The following ANO4 variants were observed in gnomAD, a reference collection of about 807,000 sequenced individuals.
The protein encoded by ANO4 is anoctamin 4.
ANO4 carries 69 observed loss-of-function variants against 141.9 expected under a neutral mutation model. That is an observed-to-expected ratio of 0.49 (90% CI 0.40 to 0.59). ANO4 has a LOEUF of 0.59. Ranked by LOEUF, ANO4 falls within the 20% of genes least tolerant of loss-of-function variation. The pLI is 0.00. For synonymous variants in ANO4, 350 were observed against 394.3 expected (o/e 0.89, Z 1.33); for missense variants, 894 against 1,162.2 (o/e 0.77, Z 3.36).
At chr12:100,897,723 A>G (rs1198204682) in intron 1 of ANO4, among the ~76,000 whole-genome samples, 1 of 152,210 alleles carries the variant, frequency 6.6e-6, no homozygotes, top group Non-Finnish European at 1.5e-5. Context: ...AGGAACTGAA[A>G]TGTGTCAAGG....
chr12:101,075,588 A>T (rs992032174), intron 14 of ANO4, among the ~76,000 whole-genome samples: 1 of 151,554 alleles, frequency 6.6e-6, no homozygotes, highest in Admixed American at 6.6e-5. Flanking sequence ...TCATAAAAGA[A>T]ATACACTTTT....
rs754404619 is a variant in ANO4 at position 100,971,372 on chromosome 12, T to C, written c.523T>C (p.Tyr175His). The C allele has an allele frequency of 1.9e-6, 3 of 1,609,886 alleles. No homozygotes were observed. Among genetic ancestry groups the C allele is most frequent in the Non-Finnish European group, 2.5e-6 (3 of 1,177,018 alleles). Residue 175 changes from tyrosine (Y) to histidine (H), a missense_variant, in exon 6 of 28, where the codon TAT becomes CAT. By Grantham distance (83) the Tyr-to-His change is moderately conservative. Around this residue, in one of 2 missense-constraint regions of ANO4, gnomAD observed 257 missense variants for 253.0 expected, o/e 1.02. Coordinates refer to ENST00000392977, the MANE Select transcript of ANO4 (RefSeq NM_001286615.2). ...LHAPWEVLGR[Y>H]AEQMNVRMPF... Reference sequence around the variant, plus strand: ...TGCCCCATGGGAAGTCCTTGGAAGATATGCAGAACAAATGAATGTAAGAAT... The same window carrying C: ...TGCCCCATGGGAAGTCCTTGGAAGACATGCAGAACAAATGAATGTAAGAAT...
chr12:100,964,190 C>T (rs558040497), intron 5 of ANO4, among the ~76,000 whole-genome samples: 1 of 152,274 alleles, frequency 6.6e-6, no homozygotes, highest in East Asian at 1.9e-4. Flanking sequence ...TAGTGTGAGC[C>T]TCTCAGCTTT....
chr12:101,061,615 C>T (rs927614380), intron 14 of ANO4, among the ~76,000 whole-genome samples: 3 of 151,774 alleles, frequency 2.0e-5, no homozygotes, highest in African/African-American at 7.3e-5. Context: ...TGTCTTCACA[C>T]TTTATTTCAT....
intron 25 of ANO4, among the ~76,000 whole-genome samples, chr12:101,117,765 C>A (rs2050913193): frequency 6.6e-6 from 1 of 152,126 alleles, no homozygotes; most frequent in Non-Finnish European, 1.5e-5. Flanking sequence ...TCCCTGTAAT[C>A]AAAGCCACAA....
At chr12:100,812,080 A>G (rs753191893) in intron 1 of ANO4, among the ~76,000 whole-genome samples, 125 of 152,264 alleles carry the variant, frequency 8.2e-4, no homozygotes, top group Admixed American at 4.2e-3. Flanking sequence ...CTCCCCCCAC[A>G]GACTGTAGTA....
At chr12:100,904,068 A>G (rs2040725024) in intron 2 of ANO4, among the ~76,000 whole-genome samples, 1 of 152,156 alleles carries the variant, frequency 6.6e-6, no homozygotes, top group Non-Finnish European at 1.5e-5. Context: ...CGTCCACTGA[A>G]AGGTCTTTAA....
intron 8 of ANO4, among the ~76,000 whole-genome samples, chr12:101,015,436 G>T (rs1216704611): frequency 2.0e-5 from 3 of 152,018 alleles, no homozygotes; most frequent in Non-Finnish European, 4.4e-5. Flanking sequence ...TACACCAAGG[G>T]CCCTTAATCT....
At chr12:100,939,530 A>G (rs1417613405) in intron 4 of ANO4, 79 bp downstream of exon 4, 3 of 1,492,962 alleles carry the variant, frequency 2.0e-6, no homozygotes, top group Non-Finnish European at 9.1e-7. Context: ...TGGACTGTTT[A>G]AAGTCATAAT....
chr12:100,789,581 G>C (rs901267692), intron 3 of ANO4, among the ~76,000 whole-genome samples: 3 of 152,202 alleles, frequency 2.0e-5, no homozygotes, highest in African/African-American at 7.2e-5. Context: ...AGCGGGACAA[G>C]TTTTATGCTT....
Position 100,806,523 on chromosome 12 carries a change from C to CTTTTTTTTTTTTTTTTT in ANO4, c.-141+11496_-141+11497insTTTTTTTTTTTTTTTTT, listed in dbSNP as rs1593379234. 3.1e-3 allele frequency among the ~76,000 whole-genome samples: 138 copies of CTTTTTTTTTTTTTTTTT among 44,968 alleles called. 40 individuals are homozygous for CTTTTTTTTTTTTTTTTT. The highest frequency in any genetic ancestry group is 0.022 in the Middle Eastern group (2 of 90). 29.5% of individuals were successfully genotyped at this position (44,968 alleles called of 152,430 possible). A position where few individuals can be genotyped will look rare whatever the true frequency, so the allele number is the denominator to read the frequency against. ...TTTTTAGGAGGTTTTTTTTTTGTTT[C>CTTTTTTTTTTTTTTTTT]GTTTTTTTTTTTTTTTTTTTTTTTT... On this transcript the variant is annotated intron_variant, in intron 1 of 27. Coordinates refer to ENST00000392977, the MANE Select transcript of ANO4 (RefSeq NM_001286615.2).
chr12:100,937,091 T>C (rs761597643), intron 3 of ANO4, among the ~76,000 whole-genome samples: 57 of 152,306 alleles, frequency 3.7e-4, no homozygotes, highest in South Asian at 2.5e-3. Context: ...ATAAGAATCA[T>C]GTTAGGAAAA....
chr12:101,106,273 T>C (rs1170832640), intron 22 of ANO4, among the ~76,000 whole-genome samples: 7 of 151,896 alleles, frequency 4.6e-5, no homozygotes, highest in South Asian at 2.1e-4. Flanking sequence ...AAGGCTGAAA[T>C]ATTTGTAAGA....
chr12:100,840,260 C>G (rs781232558), intron 1 of ANO4, among the ~76,000 whole-genome samples: 48 of 152,166 alleles, frequency 3.2e-4, no homozygotes, highest in African/African-American at 8.7e-4. Flanking sequence ...TTGATCTTGC[C>G]CAGTTTGAAA....
At position 100,806,523 on chromosome 12, in the gene ANO4, CGTTTTTTTTTTTTTT is replaced by C. The variant is rs1316434364; in HGVS notation, c.-141+11497_-141+11511del. On this transcript the variant is annotated intron_variant, in intron 1 of 27. Transcript: ENST00000392977. ...TTTTTAGGAGGTTTTTTTTTTGTTT[CGTTTTTTTTTTTTTT>C]TTTTTTTTTTTTTTTTTTTTTTGTG... Among the ~76,000 whole-genome samples, 424 of 44,978 alleles carry C rather than the reference CGTTTTTTTTTTTTTT, an allele frequency of 9.4e-3. 26 individuals are homozygous for C. Among genetic ancestry groups the C allele is most frequent in the East Asian group, 0.022 (20 of 924 alleles). The allele number at this position is 44,978 out of a possible 152,430, so 29.5% of individuals were successfully genotyped here.
chr12:101,120,493 A>G, intron 25 of ANO4, 27 bp from the exon 26 acceptor site: 1 of 1,580,048 alleles, frequency 6.3e-7, no homozygotes, highest in Non-Finnish European at 8.7e-7. Flanking sequence ...CATAGTTTGA[A>G]TGCAACATTT....
At chr12:101,083,952 G>T (rs77712009) in intron 16 of ANO4, 134 bp downstream of exon 16, 2 of 847,614 alleles carry the variant, frequency 2.4e-6, no homozygotes, top group South Asian at 4.2e-5. Flanking sequence ...CAGTAACTTC[G>T]TCTGGTGGTC....
chr12:100,979,544 G>A (rs531535840), intron 7 of ANO4, among the ~76,000 whole-genome samples: 1 of 151,990 alleles, frequency 6.6e-6, no homozygotes, highest in Non-Finnish European at 1.5e-5. Context: ...GGCAATGAGG[G>A]TTCACTGCTA....
At chr12:101,038,075 G>T (rs1049652903) in intron 10 of ANO4, among the ~76,000 whole-genome samples, 23 of 152,192 alleles carry the variant, frequency 1.5e-4, no homozygotes, top group Non-Finnish European at 3.1e-4. Context: ...TGCAAAAGAT[G>T]AGGTAGATTT....
Sources: allele counts gnomAD v4.1 joint callset (sites outside exome capture counted in the v4.1 genomes callset), GRCh38; gene constraint gnomAD v4.1.1; regional missense constraint gnomAD v4.1.1; transcripts MANE v1.5; gene names NCBI Gene and HGNC (gene_info 2026-07-23, HGNC 2026-07-21).